The following ZNF7 variants were observed in gnomAD, a reference collection of about 807,000 sequenced individuals.
The protein encoded by ZNF7 is zinc finger protein 7, also known as C2-H2 type zinc finger protein.
Under a neutral mutation model 12.0 loss-of-function variants are expected in ZNF7, and 10 were observed. That is an observed-to-expected ratio of 0.83 (90% CI 0.51 to 1.42). The LOEUF (loss-of-function observed/expected upper bound fraction) is 1.42. ZNF7 is among the 40% of genes most tolerant of loss of function. ZNF7 has a pLI of 0.00. For synonymous variants in ZNF7, 334 were observed against 295.0 expected (o/e 1.13, Z -1.35); for missense variants, 854 against 837.2 (o/e 1.02, Z -0.25).
At chr8:144,844,492 T>G (rs2975304), downstream of ZNF7, among the ~76,000 whole-genome samples, 7 of 151,248 alleles carry the variant, frequency 4.6e-5, no homozygotes, top group Non-Finnish European at 1.0e-4. Flanking sequence ...GGGTGGATCA[T>G]GAGGTCAGGA....
chr8:144,827,592 G>A lies in ZNF7; in HGVS notation c.-63G>A, dbSNP rs974051664. On this transcript the variant is annotated 5_prime_UTR_variant, in exon 1 of 5. Transcript: ENST00000532777. Reference sequence around the variant, plus strand: ...GCGGCGTCGCGCGTTTGCGAGCCTCGGGTGGTCCTCAGGGAGGGTGAGTCG... The same window carrying A: ...GCGGCGTCGCGCGTTTGCGAGCCTCAGGTGGTCCTCAGGGAGGGTGAGTCG... 1.4e-5 allele frequency: 14 copies of A among 985,682 alleles called. No homozygotes were observed. Among genetic ancestry groups the A allele is most frequent in the African/African-American group, 5.2e-5 (3 of 57,242 alleles). 61.1% of individuals were successfully genotyped at this position (985,682 alleles called of 1,614,324 possible).
At chr8:144,841,162 A>G (rs1016585946) in intron 4 of ZNF7, 193 bp from the exon 5 acceptor site, 13 of 622,468 alleles carry the variant, frequency 2.1e-5, no homozygotes, top group Non-Finnish European at 3.1e-5. Flanking sequence ...GAATGAGTGA[A>G]CAAGGTAAAA....
chr8:144,842,610 CTG>C lies in ZNF7; in HGVS notation c.1506_1507del (p.Cys502TrpfsTer18), dbSNP rs1231438962. 9.9e-6 allele frequency: 16 copies of C among 1,614,020 alleles called. No homozygotes were observed. Among genetic ancestry groups the C allele is most frequent in the Non-Finnish European group, 1.3e-5 (15 of 1,180,032 alleles). On this transcript the variant is annotated frameshift_variant, in exon 5 of 5. Coordinates refer to ENST00000532777, the MANE Select transcript of ZNF7 (RefSeq NM_003416.4). LOFTEE classifies it low-confidence loss of function (END_TRUNC). ...GAGAGAAACCCTATGTGTGTAATGA[CTG>C]TGGAAAAGCCTTCAGTCAGAGTTCC... is the stretch of plus-strand genomic sequence containing the variant. ...TGEKPYVCND[C>X]GKAFSQSSSL...
downstream of ZNF7, chr8:144,845,941 C>T (rs1448134830): frequency 6.5e-7 from 1 of 1,530,400 alleles, no homozygotes; most frequent in South Asian, 1.2e-5. Flanking sequence ...ACCTTCAGGT[C>T]TAGCACAGGG....
In ZNF7 at chr8:144,842,259, T is replaced by C. The variant is rs763216060; in HGVS notation, c.1152T>C (p.His384=). The C allele has an allele frequency of 1.2e-6, 2 of 1,613,994 alleles. No homozygotes were observed. Among genetic ancestry groups the C allele is most frequent in the Non-Finnish European group, 1.7e-6 (2 of 1,179,996 alleles). ...CCCTAGCCCAGCATCAAAGGATGCATACTGGGGAGAAAGCTCAAATTCTAA... is the reference window on the plus strand; with the variant it reads ...CCCTAGCCCAGCATCAAAGGATGCACACTGGGGAGAAAGCTCAAATTCTAA... The part of the protein sequence containing the change: ...SSTLAQHQRM[H]TGEKAQILKA... Residue 384 remains histidine (H), a synonymous_variant, in exon 5 of 5, where the codon CAT becomes CAC. Coordinates refer to ENST00000532777, the MANE Select transcript of ZNF7 (RefSeq NM_003416.4).
chr8:144,842,308 G>A lies in ZNF7; in HGVS notation c.1201G>A (p.Val401Ile), dbSNP rs1236732958. ...AAAAGCCTCAGACAGTCCAAGCCTT[G>A]TTGCACATCAGAGAATTCACGCTGT... is the stretch of plus-strand genomic sequence containing the variant. ...ILKASDSPSL[V>I]AHQRIHAVEK... The change falls in exon 5 of 5, where the codon GTT becomes ATT. Residue 401 changes from valine to isoleucine, a missense_variant. Coordinates refer to ENST00000532777, the MANE Select transcript of ZNF7 (RefSeq NM_003416.4). The A allele has an allele frequency of 1.9e-6, 3 of 1,613,976 alleles. No individual in the cohort carries two copies. The highest frequency in any genetic ancestry group is 4.5e-5 in the East Asian group (2 of 44,876).
Position 144,842,078 on chromosome 8 carries a change from A to G in ZNF7, c.971A>G (p.His324Arg). Residue 324 changes from histidine to arginine, a missense_variant, in exon 5 of 5, where the codon CAT becomes CGT. Coordinates refer to ENST00000532777, the MANE Select transcript of ZNF7 (RefSeq NM_003416.4). ...GGTCAGAGCTCAAGCCTCATCCACCATCAGAGAATCCACACAGGAGAGAGG... is the reference window on the plus strand; with the variant it reads ...GGTCAGAGCTCAAGCCTCATCCACCGTCAGAGAATCCACACAGGAGAGAGG... Reference protein sequence around the residue: ...AFGQSSSLIHHQRIHTGERPY... With the variant: ...AFGQSSSLIHRQRIHTGERPY... 6.2e-7 allele frequency: 1 copy of G among 1,614,176 alleles called. No individual in the cohort carries two copies. Among genetic ancestry groups the G allele is most frequent in the Non-Finnish European group, 8.5e-7 (1 of 1,180,026 alleles).
intron 4 of ZNF7, chr8:144,838,114 T>A: frequency 1.4e-6 from 1 of 702,836 alleles, no homozygotes; most frequent in East Asian, 2.7e-5. Flanking sequence ...CAGCTGGTGG[T>A]TTTCTGGCAG....
chr8:144,843,170 C>A lies in ZNF7; in HGVS notation c.*2C>A. 6.4e-7 allele frequency: 1 copy of A among 1,567,802 alleles called. No homozygotes were observed. The highest frequency in any genetic ancestry group is 2.0e-5 in the Admixed American group (1 of 50,246). ...CATCAAAAAATTCACATGGGATAGA[C>A]CACTTACATATAAATGTGTATATAT... On this transcript the variant is annotated 3_prime_UTR_variant, in exon 5 of 5. Transcript: ENST00000532777.
chr8:144,838,101 G>A (rs147468047), intron 4 of ZNF7: 51 of 702,960 alleles, frequency 7.3e-5, no homozygotes, highest in African/African-American at 2.6e-4. Flanking sequence ...CTGCCTCTCC[G>A]GGCAGCTGGT....
Position 144,843,328 on chromosome 8 carries a change from G to T in ZNF7, c.*160G>T, listed in dbSNP as rs181667513. On this transcript the variant is annotated 3_prime_UTR_variant, in exon 5 of 5. Coordinates refer to ENST00000532777, the MANE Select transcript of ZNF7 (RefSeq NM_003416.4). ...CTTCAGGCCGAGTGTGGTGGCTTAT[G>T]CCTGTCATCCCAGCACTTTGGGAGG... The T allele has an allele frequency of 4.6e-6, 4 of 871,900 alleles. No individual in the cohort carries two copies. Among genetic ancestry groups the T allele is most frequent in the East Asian group, 2.8e-5 (1 of 35,644 alleles). The allele number at this position is 871,900 out of a possible 1,614,324, so 54.0% of individuals were successfully genotyped here.
Position 144,843,435 on chromosome 8 carries a change from A to C in ZNF7, c.*267A>C. ...AACCCCATCTCTACTAAAAATACAA[A>C]AATTTAGCTGGGCGTGGTGGCAGGC... On this transcript the variant is annotated 3_prime_UTR_variant, in exon 5 of 5. Transcript: ENST00000532777. 7.0e-6 allele frequency: 2 copies of C among 286,746 alleles called. No homozygotes were observed. The highest frequency in any genetic ancestry group is 1.3e-5 in the Non-Finnish European group (2 of 155,754). 17.8% of individuals were successfully genotyped at this position (286,746 alleles called of 1,614,324 possible). A position where few individuals can be genotyped will look rare whatever the true frequency, so the allele number is the denominator to read the frequency against.
chr8:144,829,772 A>G, intron 3 of ZNF7, 168 bp downstream of exon 3: 2 of 857,784 alleles, frequency 2.3e-6, no homozygotes, highest in Non-Finnish European at 3.3e-6. Context: ...AGCTTTGCCC[A>G]TGTCATGGGG....
intron 3 of ZNF7, among the ~76,000 whole-genome samples, chr8:144,831,612 G>A (rs985257170): frequency 2.0e-4 from 30 of 151,616 alleles, no homozygotes; most frequent in Admixed American, 7.2e-4. Context: ...TGAAACCCCC[G>A]TCTCTACTAA....
Position 144,842,088 on chromosome 8 carries a change from C to T in ZNF7, c.981C>T (p.Ile327=). The T allele has an allele frequency of 5.0e-6, 8 of 1,614,120 alleles. No homozygotes were observed. Among genetic ancestry groups the T allele is most frequent in the Non-Finnish European group, 6.8e-6 (8 of 1,180,030 alleles). Residue 327 remains isoleucine (I), a synonymous_variant, in exon 5 of 5, where the codon ATC becomes ATT. Transcript: ENST00000532777. The part of the protein sequence containing the change: ...QSSSLIHHQR[I]HTGERPYGCR... ...CAAGCCTCATCCACCATCAGAGAAT[C>T]CACACAGGAGAGAGGCCCTATGGTT... is the stretch of plus-strand genomic sequence containing the variant.
At chr8:144,830,550 T>C (rs1002874019) in intron 3 of ZNF7, among the ~76,000 whole-genome samples, 1 of 152,244 alleles carries the variant, frequency 6.6e-6, no homozygotes, top group Non-Finnish European at 1.5e-5. Context: ...TGCCTTACTT[T>C]GTAAAACATG....
chr8:144,845,762 C>T (rs1198316263), downstream of ZNF7, among the ~76,000 whole-genome samples: 1 of 152,192 alleles, frequency 6.6e-6, no homozygotes, highest in African/African-American at 2.4e-5. Context: ...GGTGATGGTG[C>T]TCTCCACAGC....
chr8:144,836,134 C>T lies in ZNF7; in HGVS notation c.131-1257C>T, dbSNP rs911770018. Reference sequence around the variant, plus strand: ...GCTGAGGCAGGAGGATTGTTTGAGCCCAGGAGTTTGAGGCCAGCCTGGGCA... The same window carrying T: ...GCTGAGGCAGGAGGATTGTTTGAGCTCAGGAGTTTGAGGCCAGCCTGGGCA... On this transcript the variant is annotated intron_variant, in intron 3 of 4. Transcript: ENST00000532777. 5 of 152,240 alleles carry T rather than the reference C, an allele frequency of 3.3e-5. No individual in the cohort carries two copies. The South Asian group carries it at 1.0e-3, about 32-fold the overall frequency. 9.4% of individuals were successfully genotyped at this position (152,240 alleles called of 1,614,324 possible). A position where few individuals can be genotyped will look rare whatever the true frequency, so the allele number is the denominator to read the frequency against.
chr8:144,845,143 T>C (rs1830441464), downstream of ZNF7, among the ~76,000 whole-genome samples: 1 of 152,146 alleles, frequency 6.6e-6, no homozygotes, highest in Non-Finnish European at 1.5e-5. Context: ...CCTGAAAGAC[T>C]GCCAAGAACT....
Sources: allele counts gnomAD v4.1 joint callset (sites outside exome capture counted in the v4.1 genomes callset), GRCh38; gene constraint gnomAD v4.1.1; transcripts MANE v1.5; gene names NCBI Gene and HGNC (gene_info 2026-07-23, HGNC 2026-07-21).